The following CD72 variants were observed in gnomAD, a reference collection of about 807,000 sequenced individuals.
The protein encoded by CD72 is CD72 molecule.
In CD72, 28 loss-of-function variants were observed where a neutral mutation model predicts 50.7. The ratio of observed to expected loss-of-function variants is 0.55; its 90% confidence interval spans 0.41 to 0.76. The LOEUF is 0.76. CD72 is among the 30% of genes least tolerant of loss of function. The probability of loss-of-function intolerance (pLI) is 0.00; values close to 1 mark genes in which losing one functional copy is unlikely to be tolerated. For missense variants in CD72, 403 were observed against 420.6 expected (o/e 0.96, Z 0.37); for synonymous variants, 176 against 171.2 (o/e 1.03, Z -0.22).
At chr9:35,623,947 A>G (rs945395500), upstream of CD72, among the ~76,000 whole-genome samples, 28 of 151,388 alleles carry the variant, frequency 1.8e-4, no homozygotes, top group Non-Finnish European at 3.5e-4. Flanking sequence ...AAATTTATAA[A>G]GGCCAGGCCC....
intron 1 of CD72, among the ~76,000 whole-genome samples, chr9:35,640,762 C>T (rs1587909953): frequency 6.6e-6 from 1 of 152,172 alleles, no homozygotes; most frequent in Admixed American, 6.5e-5. Flanking sequence ...AGTGCAGTTG[C>T]AAGATTTAAT....
chr9:35,611,736 T>A, intron 7 of CD72, 68 bp downstream of exon 7: 2 of 861,868 alleles, frequency 2.3e-6, no homozygotes, highest in South Asian at 2.7e-5. Flanking sequence ...GGGAAGGAAA[T>A]CTGATTACCA....
chr9:35,616,349 G>T, intron 4 of CD72, 71 bp from the exon 5 acceptor site: 5 of 1,253,912 alleles, frequency 4.0e-6, no homozygotes, highest in East Asian at 2.5e-5. Context: ...TGCAGCATCA[G>T]CCCTTTTTCT....
At chr9:35,634,717 C>T (rs1213176905) in intron 1 of CD72, among the ~76,000 whole-genome samples, 1 of 152,146 alleles carries the variant, frequency 6.6e-6, no homozygotes, top group Non-Finnish European at 1.5e-5. Flanking sequence ...CCCACCTCTC[C>T]CTGCCTTAGA....
At chr9:35,627,358 G>A (rs893299607) in intron 1 of CD72, among the ~76,000 whole-genome samples, 19 of 146,954 alleles carry the variant, frequency 1.3e-4, no homozygotes, top group Admixed American at 2.0e-4. Flanking sequence ...TCAAACTCCT[G>A]AGCTCAAGCA....
At chr9:35,643,135 T>C (rs1823354591) in intron 1 of CD72, 1 of 152,260 alleles carries the variant, frequency 6.6e-6, no homozygotes, top group South Asian at 2.1e-4. Context: ...GCCAAAAGCC[T>C]GGCCACTGGG....
intron 1 of CD72, among the ~76,000 whole-genome samples, chr9:35,637,729 T>C (rs768724882): frequency 4.6e-5 from 7 of 152,142 alleles, no homozygotes; most frequent in Admixed American, 6.5e-5. Context: ...CCACATTTCA[T>C]TGGTGTCTGA....
At position 35,610,730 on chromosome 9, in the gene CD72, C is replaced by G; in HGVS notation, c.974G>C (p.Cys325Ser). 6.2e-7 allele frequency: 1 copy of G among 1,612,854 alleles called. No homozygotes were observed. The highest frequency in any genetic ancestry group is 8.5e-7 in the Non-Finnish European group (1 of 1,179,138). ...RTRTYAQSSK[C>S]NKVHKTWSWW... ...TGACCAAGTTTTATGTACCTTGTTA[C>G]ATTTTGAGCTTTGAGCATAAGTCCT... The change falls in exon 8 of 9, where the codon TGT becomes TCT. Residue 325 changes from cysteine to serine, a missense_variant. Cys to Ser is a moderately radical substitution (Grantham distance 112). Coordinates refer to ENST00000259633, the MANE Select transcript of CD72 (RefSeq NM_001782.3).
At position 35,633,904 on chromosome 9, in the gene CD72, T is replaced by G. The variant is rs569075163; in HGVS notation, n.408+12499A>C. On this transcript the variant is annotated intron_variant and non_coding_transcript_variant, in intron 1 of 3. Transcript: ENST00000465754. ...GGATTGTCTGTATATAGCCTCTGGT[T>G]TTTAAAATAATATTTAATATTTGCC... Among the ~76,000 whole-genome samples the G allele has an allele frequency of 1.3e-4, 20 of 152,314 alleles. No homozygotes were observed. The East Asian group carries it at 3.7e-3, about 28-fold the overall frequency.
At chr9:35,643,720 G>A (rs935142776) in intron 1 of CD72, among the ~76,000 whole-genome samples, 2 of 152,180 alleles carry the variant, frequency 1.3e-5, no homozygotes, top group Non-Finnish European at 2.9e-5. Flanking sequence ...ACTCACGCCT[G>A]TAATCCCAAC....
chr9:35,621,395 T>C (rs952477508), upstream of CD72, among the ~76,000 whole-genome samples: 5 of 152,242 alleles, frequency 3.3e-5, no homozygotes, highest in Non-Finnish European at 5.9e-5. Context: ...GTGTCATTGA[T>C]ACAGTCTATG....
intron 1 of CD72, among the ~76,000 whole-genome samples, chr9:35,639,160 G>C (rs901484653): frequency 2.0e-5 from 3 of 151,742 alleles, no homozygotes; most frequent in African/African-American, 7.3e-5. Flanking sequence ...GATGAGCAAA[G>C]TACTGGCTTT....
At chr9:35,620,558 T>C (rs939712696), upstream of CD72, among the ~76,000 whole-genome samples, 3 of 151,890 alleles carry the variant, frequency 2.0e-5, no homozygotes, top group East Asian at 5.8e-4. Flanking sequence ...CTGGCCGGCA[T>C]GGTGGCTCAC....
upstream of CD72, among the ~76,000 whole-genome samples, chr9:35,622,577 A>G (rs1411781446): frequency 6.6e-6 from 1 of 152,122 alleles, no homozygotes; most frequent in African/African-American, 2.4e-5. Context: ...TCACAAGGTC[A>G]GAATTTCGAG....
In CD72 at chr9:35,627,687, G is replaced by A. The variant is rs145730452; in HGVS notation, n.409-9566C>T. On this transcript the variant is annotated intron_variant and non_coding_transcript_variant, in intron 1 of 3. Coordinates refer to the CD72 transcript ENST00000465754. ...CTGGGCAAGTAATTCAGTCCAGCAA[G>A]AAGTACTGCTTGAGAGTGAGGGGAG... Among the ~76,000 whole-genome samples the A allele has an allele frequency of 2.4e-3, 363 of 152,300 alleles. 2 individuals carry two copies. Among genetic ancestry groups the A allele is most frequent in the Non-Finnish European group, 4.0e-3 (271 of 68,018 alleles).
At position 35,610,599 on chromosome 9, in the gene CD72, T is replaced by C. The variant is rs761055692; in HGVS notation, c.*22+3A>G. 5 of 1,610,740 alleles carry C rather than the reference T, an allele frequency of 3.1e-6. No homozygotes were observed. Among genetic ancestry groups the C allele is most frequent in the Non-Finnish European group, 4.2e-6 (5 of 1,178,018 alleles). On this transcript the variant is annotated splice_donor_region_variant and intron_variant, in intron 8 of 8. Transcript: ENST00000259633. ...ATGCCTCAGCCCCATCCCTCACTCT[T>C]ACCAACTCAGTGCAAAGGACTGTCC...
chr9:35,610,856 T>TTAGGCAGGCA, intron 7 of CD72, 103 bp from the exon 8 acceptor site: 1 of 890,182 alleles, frequency 1.1e-6, no homozygotes, highest in Non-Finnish European at 1.8e-6. Flanking sequence ...TCACCCTGCC[T>TTAGGCAGGCA]GCCTAAGGCC....
At chr9:35,627,392 A>T (rs1823206047) in intron 1 of CD72, among the ~76,000 whole-genome samples, 1 of 152,006 alleles carries the variant, frequency 6.6e-6, no homozygotes, top group Non-Finnish European at 1.5e-5. Flanking sequence ...GGCCTCCCAA[A>T]GTGCTAGGAT....
chr9:35,636,524 T>C (rs893233167), intron 1 of CD72, among the ~76,000 whole-genome samples: 2 of 152,200 alleles, frequency 1.3e-5, no homozygotes, highest in Admixed American at 1.3e-4. Flanking sequence ...ATCACTTAAA[T>C]CTGTTCCCTC....
Sources: allele counts gnomAD v4.1 joint callset (sites outside exome capture counted in the v4.1 genomes callset), GRCh38; gene constraint gnomAD v4.1.1; transcripts MANE v1.5; gene names NCBI Gene and HGNC (gene_info 2026-07-23, HGNC 2026-07-21).